ROBO1: variants seen among roughly 807,000 people sequenced by gnomAD.
ROBO1 encodes roundabout guidance receptor 1.
A neutral mutation model predicts 195.9 loss-of-function variants in ROBO1; 149 were observed. That is an observed-to-expected ratio of 0.76 (90% CI 0.67 to 0.87). The LOEUF (loss-of-function observed/expected upper bound fraction) is 0.87, where lower values mean the gene tolerates loss of function less well. ROBO1 is among the 40% of genes least tolerant of loss of function. The probability of loss-of-function intolerance (pLI) is 0.00; values close to 1 mark genes in which losing one functional copy is unlikely to be tolerated. For missense variants in ROBO1, 1,933 were observed against 2,068.3 expected (o/e 0.93, Z 1.27); for synonymous variants, 816 against 733.2 (o/e 1.11, Z -1.82).
At chr3:79,610,253 A>C (rs1256537913) in intron 1 of ROBO1, among the ~76,000 whole-genome samples, 1 of 151,896 alleles carries the variant, frequency 6.6e-6, no homozygotes, top group Non-Finnish European at 1.5e-5. Context: ...CTATACGTAC[A>C]TATCTATGAT....
intron 3 of ROBO1, among the ~76,000 whole-genome samples, chr3:78,972,300 T>C (rs1234270344): frequency 6.6e-6 from 1 of 152,210 alleles, no homozygotes; most frequent in Non-Finnish European, 1.5e-5. Context: ...AGGACAGTTC[T>C]TTCAACATCT....
At chr3:79,709,067 T>C (rs1702173164) in intron 1 of ROBO1, among the ~76,000 whole-genome samples, 1 of 151,772 alleles carries the variant, frequency 6.6e-6, no homozygotes, top group Non-Finnish European at 1.5e-5. Context: ...ACAAACAAAA[T>C]AATATTTTAA....
At chr3:79,523,359 GATAA>G (rs1941290134) in intron 2 of ROBO1, among the ~76,000 whole-genome samples, 1 of 148,266 alleles carries the variant, frequency 6.7e-6, no homozygotes, top group Admixed American at 6.8e-5. Context: ...GGTTCTACAT[GATAA>G]ATATACACAA....
rs149581196 is a variant in ROBO1, at chr3:78,978,522, T to A, written c.173-39595A>T. 3.9e-5 allele frequency among the ~76,000 whole-genome samples: 6 copies of A among 152,132 alleles called. No homozygotes were observed. In the East Asian group the frequency reaches 1.2e-3, roughly 29 times the overall value. ...CCCATATTATCCCTAAGCTTCACAG[T>A]GACATTATAAAGTAGGTAATATTAT... On this transcript the variant is annotated intron_variant, in intron 3 of 30. Coordinates refer to ENST00000464233, the MANE Select transcript of ROBO1 (RefSeq NM_002941.4).
chr3:78,906,715 A>C (rs2037944299), intron 4 of ROBO1, among the ~76,000 whole-genome samples: 1 of 73,568 alleles, frequency 1.4e-5, no homozygotes, highest in Admixed American at 1.2e-4. Context: ...TCTTTTACTT[A>C]GTTAATTATA....
chr3:79,710,647 A>G (rs1161622536), intron 1 of ROBO1, among the ~76,000 whole-genome samples: 3 of 152,140 alleles, frequency 2.0e-5, no homozygotes, highest in Admixed American at 6.6e-5. Flanking sequence ...TAAGTATGTA[A>G]ATAACACTAC....
chr3:78,751,421 A>G (rs1440625607), intron 4 of ROBO1, among the ~76,000 whole-genome samples: 1 of 152,190 alleles, frequency 6.6e-6, no homozygotes. Context: ...ACTCATAACA[A>G]GTCTATGACA....
chr3:79,743,349 G>A (rs1703730798), intron 1 of ROBO1, among the ~76,000 whole-genome samples: 2 of 152,158 alleles, frequency 1.3e-5, no homozygotes, highest in Admixed American at 6.5e-5. Context: ...AGAAAAGGTA[G>A]AGTAAAAACA....
At chr3:79,434,663 C>A (rs1339099001) in intron 2 of ROBO1, among the ~76,000 whole-genome samples, 1 of 152,098 alleles carries the variant, frequency 6.6e-6, no homozygotes, top group Non-Finnish European at 1.5e-5. Context: ...GGCGATTCCT[C>A]AAGGATCTAG....
rs1417765546 is a variant in ROBO1 at position 78,609,559 on chromosome 3, TATACAGATTTCC to T, written c.4436-2530_4436-2519del. Among the ~76,000 whole-genome samples the T allele has an allele frequency of 3.3e-5, 5 of 152,334 alleles. No homozygotes were observed. In the East Asian group the frequency reaches 9.6e-4, roughly 29 times the overall value. On this transcript the variant is annotated intron_variant, in intron 28 of 30. Coordinates refer to ENST00000464233, the MANE Select transcript of ROBO1 (RefSeq NM_002941.4). ...CGCTTTTTTCACCTAACCAGGTAGT[TATACAGATTTCC>T]ATATGTGTACATAGGGCTTTACTCT...
At chr3:78,943,156 C>T (rs891233332) in intron 3 of ROBO1, among the ~76,000 whole-genome samples, 4 of 151,738 alleles carry the variant, frequency 2.6e-5, no homozygotes, top group Non-Finnish European at 5.9e-5. Context: ...GCGGAGCTTA[C>T]AGTGAGCCAA....
chr3:79,257,561 C>T (rs1235697748), intron 2 of ROBO1, among the ~76,000 whole-genome samples: 2 of 152,034 alleles, frequency 1.3e-5, no homozygotes, highest in Admixed American at 6.6e-5. Context: ...TAGATTGATA[C>T]GTTTCATTTA....
chr3:79,304,394 G>T (rs565899514), intron 2 of ROBO1, among the ~76,000 whole-genome samples: 1 of 152,258 alleles, frequency 6.6e-6, no homozygotes, highest in South Asian at 2.1e-4. Context: ...GCAATAGACT[G>T]CGGCTATTTA....
intron 2 of ROBO1, among the ~76,000 whole-genome samples, chr3:79,170,064 A>G (rs1700291010): frequency 6.6e-6 from 1 of 152,150 alleles, no homozygotes; most frequent in Admixed American, 6.5e-5. Flanking sequence ...TTTAACAACA[A>G]AGGAAACAAT....
At chr3:78,704,289 G>T (rs549583469) in intron 8 of ROBO1, among the ~76,000 whole-genome samples, 1 of 152,136 alleles carries the variant, frequency 6.6e-6, no homozygotes, top group African/African-American at 2.4e-5. Flanking sequence ...AGAACTGAAG[G>T]ACCCAGTTTT....
intron 2 of ROBO1, among the ~76,000 whole-genome samples, chr3:79,381,355 C>CAAAAAAAAAA (rs61680946): frequency 2.3e-4 from 14 of 60,708 alleles, no homozygotes; most frequent in African/African-American, 4.1e-4. Context: ...AACTCCGTCT[C>CAAAAAAAAAA]AAAAAAAAAA....
intron 2 of ROBO1, among the ~76,000 whole-genome samples, chr3:79,523,539 C>T (rs1180020199): frequency 1.4e-5 from 2 of 141,062 alleles, no homozygotes; most frequent in Non-Finnish European, 3.0e-5. Context: ...GTGGCACACT[C>T]TCAGCTTACT....
chr3:78,780,648 A>C (rs1306243227), intron 4 of ROBO1, among the ~76,000 whole-genome samples: 1 of 151,968 alleles, frequency 6.6e-6, no homozygotes, highest in African/African-American at 2.4e-5. Flanking sequence ...AAATCTCCTA[A>C]TTTGTCTGAT....
intron 4 of ROBO1, among the ~76,000 whole-genome samples, chr3:78,886,703 T>C (rs2036591588): frequency 6.6e-6 from 1 of 152,134 alleles, no homozygotes; most frequent in African/African-American, 2.4e-5. Flanking sequence ...CATATACCCA[T>C]ATTTATGAAT....
Sources: allele counts gnomAD v4.1 joint callset (sites outside exome capture counted in the v4.1 genomes callset), GRCh38; gene constraint gnomAD v4.1.1; transcripts MANE v1.5; gene names NCBI Gene and HGNC (gene_info 2026-07-23, HGNC 2026-07-21).